The following CHGA variants were observed in gnomAD, a reference collection of about 807,000 sequenced individuals.
CHGA encodes chromogranin A, also known as chromogranin-A.
In CHGA, 41 loss-of-function variants were observed where a neutral mutation model predicts 54.4. The ratio of observed to expected loss-of-function variants is 0.75; its 90% CI spans 0.59 to 0.98. CHGA has a LOEUF of 0.98. Among genes scored for constraint, CHGA ranks in the 50% least tolerant of loss-of-function variants. The pLI is 0.00. For synonymous variants in CHGA, 249 were observed against 232.8 expected (o/e 1.07, Z -0.63); for missense variants, 576 against 582.3 (o/e 0.99, Z 0.11).
At chr14:92,926,526 A>T in intron 2 of CHGA, 79 bp from the exon 3 acceptor site, 2 of 1,198,648 alleles carry the variant, frequency 1.7e-6, no homozygotes, top group Non-Finnish European at 2.5e-6. Context: ...TGTCCTCACT[A>T]GAAATTCACC....
rs148249318 is a variant in CHGA, at chr14:92,934,532, G to A, written c.1291-269G>A. 8.2e-3 allele frequency among the ~76,000 whole-genome samples: 1,246 copies of A among 152,284 alleles called. 19 individuals carry two copies. The highest frequency in any genetic ancestry group is 0.027 in the African/African-American group (1,121 of 41,554). On this transcript the variant is annotated intron_variant, in intron 7 of 7. Coordinates refer to ENST00000216492, the MANE Select transcript of CHGA (RefSeq NM_001275.4). Reference sequence around the variant, plus strand: ...TAAAAGAACAGACTCCCACCTGTGCGGAACCATTTGAGAGGAAGTGGGGCC... The same window carrying A: ...TAAAAGAACAGACTCCCACCTGTGCAGAACCATTTGAGAGGAAGTGGGGCC...
chr14:92,923,513 G>A, intron 1 of CHGA, 108 bp downstream of exon 1: 6 of 1,052,718 alleles, frequency 5.7e-6, no homozygotes, highest in African/African-American at 1.7e-5. Context: ...CCCTTCGGGC[G>A]CGGCGAGTTT....
chr14:92,932,261 G>A lies in CHGA; in HGVS notation c.809-109G>A. On this transcript the variant is annotated intron_variant, in intron 6 of 7. Coordinates refer to ENST00000216492, the MANE Select transcript of CHGA (RefSeq NM_001275.4). The surrounding 1 kb of genome is among the most constrained non-coding windows in gnomAD (Gnocchi z 5.3). ...GTTTTTCCCGCTAAGCGTCATCACT[G>A]TGGAGAGGCTGGGCTGTGGCCGCAG... 1 of 1,412,150 alleles carries A rather than the reference G, an allele frequency of 7.1e-7. No individual in the cohort carries two copies. The highest frequency in any genetic ancestry group is 2.7e-5 in the Admixed American group (1 of 36,880). The allele number at this position is 1,412,150 out of a possible 1,614,324, so 87.5% of individuals were successfully genotyped here.
chr14:92,922,857 G>T (rs1243586494), upstream of CHGA, among the ~76,000 whole-genome samples: 2 of 152,238 alleles, frequency 1.3e-5, no homozygotes, highest in Non-Finnish European at 2.9e-5. Flanking sequence ...AAGGTCCAGA[G>T]ATCCGAGTGA....
intron 5 of CHGA, among the ~76,000 whole-genome samples, chr14:92,930,018 G>T (rs1022343944): frequency 2.0e-5 from 3 of 152,222 alleles, no homozygotes; most frequent in African/African-American, 7.2e-5. Flanking sequence ...TTTCGATCTG[G>T]TCCTGCCTCA....
At chr14:92,923,468 G>A (rs1881482112) in intron 1 of CHGA, 63 bp downstream of exon 1, 3 of 1,218,788 alleles carry the variant, frequency 2.5e-6, no homozygotes, top group Non-Finnish European at 2.1e-6. Context: ...CTTGAGGTCC[G>A]GGCACCGCGC....
intron 7 of CHGA, among the ~76,000 whole-genome samples, chr14:92,934,326 G>A (rs1395028002): frequency 6.6e-6 from 1 of 152,212 alleles, no homozygotes; most frequent in African/African-American, 2.4e-5. Context: ...GCAGGCTGAT[G>A]TGGGGCAGCT....
At chr14:92,929,861 A>G in intron 5 of CHGA, 46 bp downstream of exon 5, 1 of 1,479,406 alleles carries the variant, frequency 6.8e-7, no homozygotes, top group Non-Finnish European at 9.4e-7. Flanking sequence ...GGAGGGTGGC[A>G]GTGGGAACAG....
intron 2 of CHGA, chr14:92,926,338 T>C: frequency 2.1e-6 from 1 of 485,692 alleles, no homozygotes; most frequent in South Asian, 3.4e-5. Context: ...CACCCCATTC[T>C]CACTATGATC....
chr14:92,934,173 G>C (rs527913424), intron 7 of CHGA, among the ~76,000 whole-genome samples: 5 of 152,322 alleles, frequency 3.3e-5, no homozygotes, highest in African/African-American at 1.2e-4. Context: ...GCTCTTGTGG[G>C]TGTCCAAGTT....
At position 92,926,600 on chromosome 14, in the gene CHGA, C is replaced by T; in HGVS notation, c.94-5C>T. 1 of 1,613,710 alleles carries T rather than the reference C, an allele frequency of 6.2e-7. No homozygotes were observed. Among genetic ancestry groups the T allele is most frequent in the Non-Finnish European group, 8.5e-7 (1 of 1,179,852 alleles). ...CCCCAACCTGCCCCTGCACTGTGTTCCCAGGTGATGAAATGCATCGTTGAG... is the reference window on the plus strand; with the variant it reads ...CCCCAACCTGCCCCTGCACTGTGTTTCCAGGTGATGAAATGCATCGTTGAG... On this transcript the variant is annotated splice_polypyrimidine_tract_variant and splice_region_variant and intron_variant, in intron 2 of 7. Coordinates refer to ENST00000216492, the MANE Select transcript of CHGA (RefSeq NM_001275.4).
chr14:92,931,512 C>T lies in CHGA; in HGVS notation c.618C>T (p.Leu206=). The T allele has an allele frequency of 1.2e-6, 2 of 1,612,782 alleles. No homozygotes were observed. Among genetic ancestry groups the T allele is most frequent in the Non-Finnish European group, 8.5e-7 (1 of 1,179,756 alleles). The change falls in exon 6 of 8, where the codon CTC becomes CTT. Residue 206 remains leucine (L), a synonymous_variant. Transcript: ENST00000216492. ...GPQAEGDSEG[L]SQGLVDREKG... Reference sequence around the variant, plus strand: ...AGGCCGAGGGGGACAGTGAGGGCCTCTCTCAGGGTCTGGTGGACAGAGAGA... The same window carrying T: ...AGGCCGAGGGGGACAGTGAGGGCCTTTCTCAGGGTCTGGTGGACAGAGAGA...
In CHGA at chr14:92,923,539, G is replaced by C. The variant is rs144819638; in HGVS notation, c.46+134G>C. On this transcript the variant is annotated intron_variant, in intron 1 of 7. Coordinates refer to ENST00000216492, the MANE Select transcript of CHGA (RefSeq NM_001275.4). ...CGGCGAGTTTTCAGCACCGCGGACAGCGCCTCCGCCTCCCGCCTGACCCTG... is the reference window on the plus strand; with the variant it reads ...CGGCGAGTTTTCAGCACCGCGGACACCGCCTCCGCCTCCCGCCTGACCCTG... 1.2e-3 allele frequency: 951 copies of C among 770,872 alleles called. 2 individuals carry two copies. The highest frequency in any genetic ancestry group is 1.6e-3 in the Non-Finnish European group (897 of 569,454). The allele number at this position is 770,872 out of a possible 1,614,324, so 47.8% of individuals were successfully genotyped here.
At position 92,927,535 on chromosome 14, in the gene CHGA, T is replaced by C; in HGVS notation, c.188-15T>C. The C allele has an allele frequency of 6.2e-7, 1 of 1,609,728 alleles. No individual in the cohort carries two copies. The highest frequency in any genetic ancestry group is 8.5e-7 in the Non-Finnish European group (1 of 1,177,066). On this transcript the variant is annotated splice_polypyrimidine_tract_variant and intron_variant, in intron 3 of 7. Transcript: ENST00000216492. ...TTCTCTGGAAACCACCCATGATGAC[T>C]CTTCTTCATTGCAGATGAACGGATC... is the stretch of plus-strand genomic sequence containing the variant.
At chr14:92,924,588 C>G (rs1484795245) in intron 2 of CHGA, among the ~76,000 whole-genome samples, 1 of 152,210 alleles carries the variant, frequency 6.6e-6, no homozygotes, top group Non-Finnish European at 1.5e-5. Context: ...TTGTAGTTGT[C>G]CACAGACCTG....
At chr14:92,924,016 G>C (rs1751666273) in intron 1 of CHGA, among the ~76,000 whole-genome samples, 183 bp from the exon 2 acceptor site, 1 of 152,316 alleles carries the variant, frequency 6.6e-6, no homozygotes, top group South Asian at 2.1e-4. Flanking sequence ...GCAGCCTCTG[G>C]GGACCACCCC....
At chr14:92,933,159 C>T (rs1489564810) in intron 7 of CHGA, 5 of 273,574 alleles carry the variant, frequency 1.8e-5, no homozygotes, top group South Asian at 1.1e-4. Context: ...TGGGTCTGAC[C>T]GTGTCCCCTC....
In CHGA at chr14:92,932,800, C is replaced by A; in HGVS notation, c.1239C>A (p.Gly413=). 1 of 1,562,688 alleles carries A rather than the reference C, an allele frequency of 6.4e-7. No homozygotes were observed. The highest frequency in any genetic ancestry group is 8.7e-7 in the Non-Finnish European group (1 of 1,153,232). ...LEAGLPLQVR[G]YPEEKKEEEG... ...CGGGCCTGCCCCTCCAGGTCCGAGG[C>A]TACCCCGAGGAGAAGAAAGAGGAGG... Residue 413 remains glycine (G), a synonymous_variant, in exon 7 of 8, where the codon GGC becomes GGA. Transcript: ENST00000216492. The surrounding 1 kb of genome is among the most constrained non-coding windows in gnomAD (Gnocchi z 5.3).
intron 7 of CHGA, among the ~76,000 whole-genome samples, chr14:92,934,066 G>A (rs777864109): frequency 7.2e-5 from 11 of 152,164 alleles, no homozygotes; most frequent in East Asian, 1.9e-4. Flanking sequence ...GGATGCCCTC[G>A]GCAGCCTCAA....
Sources: gnomAD v4.1 joint callset for allele counts (sites outside exome capture counted in the v4.1 genomes callset) on GRCh38, gnomAD v4.1.1 for gene constraint, Gnocchi (gnomAD v3.1) non-coding constraint, MANE v1.5 for transcripts, NCBI Gene and HGNC (gene_info 2026-07-23, HGNC 2026-07-21) for gene names.